LIMK2: variants seen among roughly 807,000 people sequenced by gnomAD.
LIMK2 encodes the protein LIM domain kinase 2.
In LIMK2, 35 loss-of-function variants were observed where a neutral mutation model predicts 75.7. The observed-to-expected ratio is 0.46, with a 90% CI of 0.35 to 0.61. The LOEUF is 0.61. Ranked by LOEUF, LIMK2 falls within the 20% of genes least tolerant of loss-of-function variation. LIMK2 has a pLI of 0.00. For missense variants in LIMK2, 623 were observed against 831.0 expected (o/e 0.75, Z 3.08); for synonymous variants, 301 against 319.2 (o/e 0.94, Z 0.61).
chr22:31,253,046 G>A (rs2048741634), intron 2 of LIMK2, among the ~76,000 whole-genome samples: 1 of 152,204 alleles, frequency 6.6e-6, no homozygotes, highest in African/African-American at 2.4e-5. Flanking sequence ...CATGCACTTT[G>A]TATCTGCCCA....
At chr22:31,222,112 C>T (rs1466343559) in intron 1 of LIMK2, among the ~76,000 whole-genome samples, 1 of 151,870 alleles carries the variant, frequency 6.6e-6, no homozygotes, top group Non-Finnish European at 1.5e-5. Context: ...TCACTCTTGC[C>T]CAGGCTGGAG....
intron 11 of LIMK2, 126 bp downstream of exon 11, chr22:31,268,326 T>A (rs375596056): frequency 8.8e-6 from 7 of 797,102 alleles, no homozygotes; most frequent in African/African-American, 1.7e-5. Flanking sequence ...CAGCTATTCA[T>A]TGAGTTTGTC....
intron 1 of LIMK2, among the ~76,000 whole-genome samples, chr22:31,219,434 T>C (rs184285451): frequency 6.6e-6 from 1 of 152,342 alleles, no homozygotes; most frequent in East Asian, 1.9e-4. Flanking sequence ...GTTGCACTTA[T>C]TAAAAGCAAC....
intron 1 of LIMK2, among the ~76,000 whole-genome samples, chr22:31,213,647 G>A (rs1253169395): frequency 6.6e-6 from 1 of 152,160 alleles, no homozygotes. Flanking sequence ...GCTCATGCCT[G>A]TAATCCCAGC....
At chr22:31,251,449 G>A (rs2048724615) in intron 2 of LIMK2, among the ~76,000 whole-genome samples, 1 of 152,144 alleles carries the variant, frequency 6.6e-6, no homozygotes, top group Non-Finnish European at 1.5e-5. Context: ...CAGGTGAATG[G>A]TTCCCAGCTC....
rs1337913931 is a variant in LIMK2, at chr22:31,228,378, C to T, written c.116+2559C>T. Among the ~76,000 whole-genome samples, 5 of 152,104 alleles carry T rather than the reference C, an allele frequency of 3.3e-5. No individual in the cohort carries two copies. In the South Asian group the frequency reaches 8.3e-4, roughly 25 times the overall value. Reference sequence around the variant, plus strand: ...AAGTTGCAGTGAGCCGAGATTGTGCCATTACAGTCTAGCCTGGGCAACAAG... The same window carrying T: ...AAGTTGCAGTGAGCCGAGATTGTGCTATTACAGTCTAGCCTGGGCAACAAG... On this transcript the variant is annotated intron_variant, in intron 2 of 15. Coordinates refer to ENST00000331728, the MANE Select transcript of LIMK2 (RefSeq NM_005569.4).
At chr22:31,220,938 T>C (rs1459125815) in intron 1 of LIMK2, among the ~76,000 whole-genome samples, 2 of 152,012 alleles carry the variant, frequency 1.3e-5, no homozygotes, top group African/African-American at 4.8e-5. Context: ...CACTCCAGCC[T>C]GGGCAACAAA....
At chr22:31,229,961 CCTG>C (rs2048512735) in intron 2 of LIMK2, 1 of 152,136 alleles carries the variant, frequency 6.6e-6, no homozygotes, top group African/African-American at 2.4e-5. Flanking sequence ...TTTTGGATCT[CCTG>C]GACATATGGC....
intron 1 of LIMK2, among the ~76,000 whole-genome samples, chr22:31,224,976 A>T (rs2048466711): frequency 6.6e-6 from 1 of 152,218 alleles, no homozygotes; most frequent in South Asian, 2.1e-4. Context: ...CTCCTGTCAG[A>T]TCAGTGGTGG....
chr22:31,228,549 T>C (rs2048498431), intron 2 of LIMK2, among the ~76,000 whole-genome samples: 1 of 152,198 alleles, frequency 6.6e-6, no homozygotes, highest in Non-Finnish European at 1.5e-5. Flanking sequence ...AAAATGAGGA[T>C]AAGAATATTA....
At chr22:31,236,253 C>T (rs2048573281) in intron 2 of LIMK2, among the ~76,000 whole-genome samples, 1 of 146,758 alleles carries the variant, frequency 6.8e-6, no homozygotes, top group East Asian at 2.0e-4. Flanking sequence ...AGGATTGCAC[C>T]ACTGCACTCC....
intron 15 of LIMK2, chr22:31,276,819 G>A (rs527511401): frequency 6.2e-7 from 1 of 1,611,498 alleles, no homozygotes; most frequent in African/African-American, 1.3e-5. Context: ...GAGAGGGCCC[G>A]GGCTGCGCGG....
intron 2 of LIMK2, among the ~76,000 whole-genome samples, chr22:31,249,836 G>T (rs2048707839): frequency 6.6e-6 from 1 of 152,186 alleles, no homozygotes; most frequent in Admixed American, 6.5e-5. Context: ...TGGACAGGGG[G>T]AAGGGGGAAG....
chr22:31,268,135 A>G lies in LIMK2; in HGVS notation c.1261-9A>G. 3 of 1,613,816 alleles carry G rather than the reference A, an allele frequency of 1.9e-6. No individual in the cohort carries two copies. The highest frequency in any genetic ancestry group is 2.5e-6 in the Non-Finnish European group (3 of 1,179,802). On this transcript the variant is annotated splice_polypyrimidine_tract_variant and intron_variant, in intron 10 of 15. Coordinates refer to ENST00000331728, the MANE Select transcript of LIMK2 (RefSeq NM_005569.4). ...CAACAGCCTCTGAAAATCATTCCCC[A>G]TTCTGCAGGATCCGTTCCCCTGGCA... is the stretch of plus-strand genomic sequence containing the variant.
chr22:31,252,626 C>A (rs969816475), intron 2 of LIMK2, among the ~76,000 whole-genome samples: 7 of 151,304 alleles, frequency 4.6e-5, no homozygotes, highest in Non-Finnish European at 1.0e-4. Flanking sequence ...TTACAGAAAT[C>A]TGTTTCATTC....
At chr22:31,236,249 G>T (rs2123792773) in intron 2 of LIMK2, among the ~76,000 whole-genome samples, 1 of 147,702 alleles carries the variant, frequency 6.8e-6, no homozygotes, top group African/African-American at 2.5e-5. Flanking sequence ...AGCCAGGATT[G>T]CACCACTGCA....
chr22:31,215,079 G>T (rs2123758020), intron 1 of LIMK2, among the ~76,000 whole-genome samples: 1 of 152,326 alleles, frequency 6.6e-6, no homozygotes, highest in African/African-American at 2.4e-5. Context: ...TTATAGGCGT[G>T]AGCCACCATG....
intron 2 of LIMK2, among the ~76,000 whole-genome samples, chr22:31,245,582 G>T (rs370186936): frequency 1.3e-5 from 2 of 152,056 alleles, no homozygotes; most frequent in African/African-American, 2.4e-5. Flanking sequence ...GATTACAGGC[G>T]TGAGCCACCA....
Position 31,278,479 on chromosome 22 carries a change from C to T in LIMK2, c.*38C>T. On this transcript the variant is annotated 3_prime_UTR_variant, in exon 16 of 16. Coordinates refer to ENST00000331728, the MANE Select transcript of LIMK2 (RefSeq NM_005569.4). ...CCCCTGCAGGGGGGTGTTCTACAGC[C>T]AGCATTGCCCCTCTGTGCCCCATTC... 6.4e-7 allele frequency: 1 copy of T among 1,556,238 alleles called. No homozygotes were observed. Among genetic ancestry groups the T allele is most frequent in the South Asian group, 1.2e-5 (1 of 83,632 alleles).
Sources: gnomAD v4.1 joint callset for allele counts (sites outside exome capture counted in the v4.1 genomes callset) on GRCh38, gnomAD v4.1.1 for gene constraint, MANE v1.5 for transcripts, NCBI Gene and HGNC (gene_info 2026-07-23, HGNC 2026-07-21) for gene names.